Variants in STX2 observed in about 807,000 individuals in gnomAD.
STX2 encodes the protein syntaxin 2.
Under a neutral mutation model 40.6 loss-of-function variants are expected in STX2, and 27 were observed. That is an observed-to-expected ratio of 0.66 (90% confidence interval 0.49 to 0.92). The LOEUF is 0.92. Among genes scored for constraint, STX2 ranks in the 40% least tolerant of loss-of-function variants. The pLI is 0.00. For synonymous variants in STX2, 123 were observed against 119.1 expected, an observed-to-expected ratio of 1.03 and a Z score of -0.22; for missense variants, 328 against 366.1, an observed-to-expected ratio of 0.90 and a Z score of 0.85.
At chr12:130,836,148 G>A (rs773306928) in intron 1 of STX2, among the ~76,000 whole-genome samples, 3 of 152,094 alleles carry the variant, frequency 2.0e-5, no homozygotes, top group East Asian at 1.9e-4. Flanking sequence ...TTCCTGGGGC[G>A]GGGCGGGGGA....
At chr12:130,792,482 G>T (rs1950907054) in intron 10 of STX2, among the ~76,000 whole-genome samples, 1 of 152,116 alleles carries the variant, frequency 6.6e-6, no homozygotes, top group Non-Finnish European at 1.5e-5. Context: ...TTTCTTTTCT[G>T]AAAGGAGGTG....
chr12:130,818,846 G>A (rs1307768892), intron 3 of STX2, among the ~76,000 whole-genome samples: 1 of 152,138 alleles, frequency 6.6e-6, no homozygotes, highest in East Asian at 1.9e-4. Context: ...TCAAATCCCC[G>A]CCGTCCTGCA....
chr12:130,818,185 A>ATATATATATATATATATATATATATATAT (rs1555222352), intron 3 of STX2, among the ~76,000 whole-genome samples: 1 of 70,586 alleles, frequency 1.4e-5, no homozygotes, highest in Non-Finnish European at 2.3e-5. Context: ...AAAAAAAAAA[A>ATATATATATATATATATATATATATATAT]ATATATATAT....
intron 6 of STX2, among the ~76,000 whole-genome samples, chr12:130,804,400 G>A (rs1042658243): frequency 2.0e-5 from 3 of 152,176 alleles, no homozygotes; most frequent in African/African-American, 7.2e-5. Flanking sequence ...ATGCCAAGCT[G>A]TTCTGCAATG....
rs1190566820 is a variant in STX2, at chr12:130,791,637, ATTTC to A, written c.*382_*385del. Reference sequence around the variant, plus strand: ...ATATTAAAATGTTCAATATTTTCTTATTTCAAGGCCAGTGAGAGAAGTCTCACAC... The same window carrying A: ...ATATTAAAATGTTCAATATTTTCTTAAAGGCCAGTGAGAGAAGTCTCACAC... On this transcript the variant is annotated 3_prime_UTR_variant, in exon 11 of 11. Coordinates refer to ENST00000392373, the MANE Select transcript of STX2 (RefSeq NM_194356.4). The A allele has an allele frequency of 1.1e-4, 35 of 322,654 alleles. No individual in the cohort carries two copies. The East Asian group carries it at 1.7e-3, about 15-fold the overall frequency. 20.0% of individuals were successfully genotyped at this position (322,654 alleles called of 1,614,324 possible).
intron 10 of STX2, among the ~76,000 whole-genome samples, chr12:130,792,435 A>C (rs1251292838): frequency 1.3e-5 from 2 of 152,184 alleles, no homozygotes; most frequent in Non-Finnish European, 2.9e-5. Flanking sequence ...TAAAACTTTA[A>C]ACGAATTTCT....
intron 9 of STX2, among the ~76,000 whole-genome samples, chr12:130,798,137 C>T (rs1951090314): frequency 6.6e-6 from 1 of 151,812 alleles, no homozygotes; most frequent in East Asian, 1.9e-4. Flanking sequence ...ATCCCTGCTA[C>T]TCAGGAGACT....
At chr12:130,836,190 G>A (rs186148029) in intron 1 of STX2, among the ~76,000 whole-genome samples, 105 of 152,302 alleles carry the variant, frequency 6.9e-4, no homozygotes, top group African/African-American at 2.2e-3. Context: ...GTAACTTTAA[G>A]ATGGGTTTTT....
intron 3 of STX2, among the ~76,000 whole-genome samples, chr12:130,819,644 G>A (rs559256928): frequency 2.0e-5 from 3 of 152,304 alleles, no homozygotes; most frequent in East Asian, 1.9e-4. Flanking sequence ...AAAAAAATGC[G>A]GATACTTATT....
intron 1 of STX2, among the ~76,000 whole-genome samples, chr12:130,827,998 T>C (rs543175604): frequency 2.0e-5 from 3 of 152,250 alleles, no homozygotes; most frequent in Non-Finnish European, 2.9e-5. Context: ...CGACCATTGA[T>C]CAGGAGCTGA....
chr12:130,828,368 C>T (rs1433314987), intron 1 of STX2, among the ~76,000 whole-genome samples: 1 of 145,738 alleles, frequency 6.9e-6, no homozygotes, highest in Non-Finnish European at 1.5e-5. Flanking sequence ...GCTAGGATTA[C>T]ATGCACCTGC....
chr12:130,832,756 G>A (rs1164991355), intron 1 of STX2, among the ~76,000 whole-genome samples: 1 of 152,154 alleles, frequency 6.6e-6, no homozygotes, highest in Non-Finnish European at 1.5e-5. Flanking sequence ...GCTCACTCAC[G>A]TCTCACCTCC....
At chr12:130,834,486 C>A (rs1483548618) in intron 1 of STX2, among the ~76,000 whole-genome samples, 1 of 152,062 alleles carries the variant, frequency 6.6e-6, no homozygotes, top group Non-Finnish European at 1.5e-5. Flanking sequence ...GAGGCAGGAG[C>A]AAATCCTGCC....
chr12:130,836,629 C>G (rs10773826), intron 1 of STX2, among the ~76,000 whole-genome samples: 75,483 of 152,114 alleles, frequency 0.5, 20,935 homozygotes, highest in East Asian at 0.87. Context: ...ACATTAATCA[C>G]ACTTATAATT....
In STX2 at chr12:130,820,626, A is replaced by T. The variant is rs2136316442; in HGVS notation, c.205+1063T>A. Among the ~76,000 whole-genome samples the T allele has an allele frequency of 2.0e-5, 3 of 152,282 alleles. No homozygotes were observed. In the South Asian group the frequency reaches 6.2e-4, roughly 32 times the overall value. The stretch of plus-strand genomic sequence containing the variant: ...AGTTGCAGTGAGCCGAGACTGTGCC[A>T]CTGCACTCCAGCCTGTGTGACAGAG... On this transcript the variant is annotated intron_variant, in intron 3 of 10. Coordinates refer to ENST00000392373, the MANE Select transcript of STX2 (RefSeq NM_194356.4).
chr12:130,794,974 T>C (rs1024401258), intron 10 of STX2, among the ~76,000 whole-genome samples: 7 of 152,100 alleles, frequency 4.6e-5, no homozygotes, highest in Non-Finnish European at 8.8e-5. Context: ...ACCGACAGCA[T>C]TGCCACTTCA....
rs778637862 is a variant in STX2, at chr12:130,827,234, C to T, written c.64G>A (p.Val22Met). 3.1e-6 allele frequency: 5 copies of T among 1,613,878 alleles called. No individual in the cohort carries two copies. The South Asian group carries it at 5.5e-5, about 18-fold the overall frequency. ...TCCATGAAATGATCTTTCTCAACCACAACAACTGTGTCTCCATCATCATTC... is the reference window on the plus strand; with the variant it reads ...TCCATGAAATGATCTTTCTCAACCATAACAACTGTGTCTCCATCATCATTC... ...RKNDDGDTVV[V>M]VEKDHFMDDF... Residue 22 changes from valine to methionine, a missense_variant, in exon 2 of 11, where the codon GTG (valine) becomes ATG (methionine). By Grantham distance (21) the Val-to-Met change is conservative. Coordinates refer to ENST00000392373, the MANE Select transcript of STX2 (RefSeq NM_194356.4).
intron 10 of STX2, among the ~76,000 whole-genome samples, 155 bp from the exon 11 acceptor site, chr12:130,792,132 C>A (rs1950894915): frequency 6.6e-6 from 1 of 152,186 alleles, no homozygotes; most frequent in Non-Finnish European, 1.5e-5. Context: ...GTGATCTTGG[C>A]TCACAGCAAC....
chr12:130,796,901 C>T (rs1414032931), intron 9 of STX2, among the ~76,000 whole-genome samples: 5 of 152,186 alleles, frequency 3.3e-5, no homozygotes, highest in South Asian at 4.1e-4. Flanking sequence ...GTTGCCTGGC[C>T]TCCCTCTGAG....
Sources: gnomAD v4.1 joint callset for allele counts (sites outside exome capture counted in the v4.1 genomes callset) on GRCh38, gnomAD v4.1.1 for gene constraint, MANE v1.5 for transcripts, NCBI Gene and HGNC (gene_info 2026-07-23, HGNC 2026-07-21) for gene names.